Variants in KNCN observed in about 807,000 individuals in gnomAD.
KNCN encodes the protein kinocilin.
Under a neutral mutation model 10.4 loss-of-function variants are expected in KNCN, and 11 were observed. The observed-to-expected ratio is 1.06, with a 90% CI of 0.67 to 1.75. The LOEUF (loss-of-function observed/expected upper bound fraction) is 1.75. Ranked by LOEUF, KNCN falls within the 40% of genes most tolerant of loss-of-function variation. The pLI is 0.00. For synonymous variants in KNCN, 67 were observed against 71.6 expected, an observed-to-expected ratio of 0.94 and a Z score of 0.33; for missense variants, 172 against 167.1, an observed-to-expected ratio of 1.03 and a Z score of -0.16.
chr1:46,547,864 T>G (rs1666981048), intron 3 of KNCN, 55 bp from the exon 4 acceptor site: 9 of 1,344,124 alleles, frequency 6.7e-6, no homozygotes, highest in Non-Finnish European at 7.9e-6. Flanking sequence ...CCCATGGAGT[T>G]GTCAGGGTCA....
At position 46,547,573 on chromosome 1, in the gene KNCN, T is replaced by C. The variant is rs1557804437; in HGVS notation, c.*157A>G. The stretch of plus-strand genomic sequence containing the variant: ...TTTTGGAGAGGCTTGGCCGGGCGAG[T>C]GCAAAAGGCCCCATTCCAGACACTG... On this transcript the variant is annotated 3_prime_UTR_variant, in exon 4 of 4. Transcript: ENST00000481882. The C allele has an allele frequency of 5.5e-6, 4 of 722,842 alleles. No individual in the cohort carries two copies. The highest frequency in any genetic ancestry group is 5.2e-5 in the African/African-American group (3 of 57,432). The allele number at this position is 722,842 out of a possible 1,614,324, so 44.8% of individuals were successfully genotyped here. A position where few individuals can be genotyped will look rare whatever the true frequency, so the allele number is the denominator to read the frequency against.
rs1293586474 is a variant in KNCN, at chr1:46,551,437, G to A, written c.-222C>T. 2 of 497,406 alleles carry A rather than the reference G, an allele frequency of 4.0e-6. No homozygotes were observed. The highest frequency in any genetic ancestry group is 7.0e-6 in the Non-Finnish European group (2 of 287,338). 30.8% of individuals were successfully genotyped at this position (497,406 alleles called of 1,614,324 possible). ...TCCCACCTTGACCAGGGATCTGTAC[G>A]AGGTCACCCAGCTTACTCTTCCTCT... is the stretch of plus-strand genomic sequence containing the variant. On this transcript the variant is annotated 5_prime_UTR_variant, in exon 1 of 4. Coordinates refer to ENST00000481882, the MANE Select transcript of KNCN (RefSeq NM_001322255.2). The surrounding 1 kb of genome is among the most constrained non-coding windows in gnomAD (Gnocchi z 4.0).
chr1:46,545,805 A>G lies in KNCN; in HGVS notation c.*1925T>C, dbSNP rs1666927419. On this transcript the variant is annotated 3_prime_UTR_variant, in exon 4 of 4. Coordinates refer to ENST00000481882, the MANE Select transcript of KNCN (RefSeq NM_001322255.2). ...ACACTCTCCACAGCTCAGTCTCCAC[A>G]TCCCCCATTCCCACCCCCTCCACCC... is the stretch of plus-strand genomic sequence containing the variant. The G allele has an allele frequency of 6.6e-6, 1 of 152,326 alleles. No individual in the cohort carries two copies. Among genetic ancestry groups the G allele is most frequent in the Admixed American group, 6.5e-5 (1 of 15,274 alleles). 9.4% of individuals were successfully genotyped at this position (152,326 alleles called of 1,614,324 possible).
chr1:46,549,962 G>C lies in KNCN; in HGVS notation c.192C>G (p.Phe64Leu). ...TGGTAGGCAGGATGTGGTCCAGGTT[G>C]AACCGAGCCTTCAGGAAGGGGTAGG... The part of the protein sequence containing the change: ...ILAYPFLKAR[F>L]NLDHILPTIG... Residue 64 changes from phenylalanine (F) to leucine (L), a missense_variant, in exon 2 of 4, where the codon TTC becomes TTG. Physicochemically the swap from Phe to Leu is conservative, Grantham distance 22. Transcript: ENST00000481882. 1.3e-6 allele frequency: 2 copies of C among 1,550,658 alleles called. No individual in the cohort carries two copies. Among genetic ancestry groups the C allele is most frequent in the South Asian group, 1.2e-5 (1 of 84,062 alleles).
In KNCN at chr1:46,551,560, T is replaced by G; in HGVS notation, c.-345A>C. On this transcript the variant is annotated 5_prime_UTR_variant, in exon 1 of 4. The change abolishes an upstream ATG in the 5' untranslated region. Coordinates refer to ENST00000481882, the MANE Select transcript of KNCN (RefSeq NM_001322255.2). This position sits in a 1 kb window ranked among gnomAD's most constrained non-coding sequence, Gnocchi z 4.0. ...GTTCTAGGGAGCTGGGCCTGTTCCA[T>G]AGGATCCTTCCCTGCCAGCCTCCAC... 1 of 211,382 alleles carries G rather than the reference T, an allele frequency of 4.7e-6. No homozygotes were observed. The allele number at this position is 211,382 out of a possible 1,614,324, so 13.1% of individuals were successfully genotyped here.
At chr1:46,549,865 GACGAGCAC>G (rs1377850376) in intron 2 of KNCN, 61 bp downstream of exon 2, 36 of 1,549,912 alleles carry the variant, frequency 2.3e-5, no homozygotes, top group Non-Finnish European at 3.1e-5. Context: ...GTGGGTCACA[GACGAGCAC>G]ACAAAGGGTC....
intron 3 of KNCN, among the ~76,000 whole-genome samples, chr1:46,548,130 T>A (rs1666986473): frequency 6.6e-6 from 1 of 152,212 alleles, no homozygotes; most frequent in African/African-American, 2.4e-5. Context: ...TAAATCTCCC[T>A]GTGCCTCGGT....
At chr1:46,549,641 GGGAGTTA>G (rs1667025517) in intron 2 of KNCN, 1 of 565,010 alleles carries the variant, frequency 1.8e-6, no homozygotes. Context: ...GGGATGGAGA[GGGAGTTA>G]TTTAGAGATG....
chr1:46,548,600 G>A (rs1236872105), intron 3 of KNCN, among the ~76,000 whole-genome samples: 1 of 152,184 alleles, frequency 6.6e-6, no homozygotes, highest in African/African-American at 2.4e-5. Flanking sequence ...TATAGGACCT[G>A]GGGGAGGGGA....
At position 46,551,171 on chromosome 1, in the gene KNCN, C is replaced by G. The variant is rs762054415; in HGVS notation, c.45G>C (p.Leu15=). ...ISSRDFRGLQ[L]ACVALGLVAG... ...CCACCAGCCCGAGAGCCACGCAGGCCAGCTGCAGGCCGCGGAAGTCTCTGC... is the reference window on the plus strand; with the variant it reads ...CCACCAGCCCGAGAGCCACGCAGGCGAGCTGCAGGCCGCGGAAGTCTCTGC... Residue 15 remains leucine, a synonymous_variant, in exon 1 of 4, where the codon CTG becomes CTC. Coordinates refer to ENST00000481882, the MANE Select transcript of KNCN (RefSeq NM_001322255.2). This position sits in a 1 kb window ranked among gnomAD's most constrained non-coding sequence, Gnocchi z 4.0. The G allele has an allele frequency of 5.0e-6, 8 of 1,610,614 alleles. No homozygotes were observed. Among genetic ancestry groups the G allele is most frequent in the Non-Finnish European group, 6.8e-6 (8 of 1,178,534 alleles).
chr1:46,551,109 G>C lies in KNCN; in HGVS notation c.107C>G (p.Ala36Gly). The C allele has an allele frequency of 6.2e-7, 1 of 1,610,870 alleles. No individual in the cohort carries two copies. The highest frequency in any genetic ancestry group is 8.5e-7 in the Non-Finnish European group (1 of 1,178,392). Residue 36 changes from alanine (A) to glycine (G), a missense_variant, in exon 1 of 4, where the codon GCT becomes GGT. Physicochemically the swap from Ala to Gly is moderately conservative, Grantham distance 60. Coordinates refer to ENST00000481882, the MANE Select transcript of KNCN (RefSeq NM_001322255.2). The surrounding 1 kb of genome is among the most constrained non-coding windows in gnomAD (Gnocchi z 4.0). ...SIIIGISVSK[A>G]AAAMGGVFIG... ...AAAGACACCGCCCATGGCAGCTGCA[G>C]CCTTGGATACGGAGATGCCGATAAT... is the stretch of plus-strand genomic sequence containing the variant.
rs1159382870 is a variant in KNCN, at chr1:46,547,684, AGGCAGGATGGGAGGGCAGGGCATG to A, written c.*22_*45del. 2 of 1,418,708 alleles carry A rather than the reference AGGCAGGATGGGAGGGCAGGGCATG, an allele frequency of 1.4e-6. No homozygotes were observed. The highest frequency in any genetic ancestry group is 2.8e-5 in the African/African-American group (2 of 70,512). 87.9% of individuals were successfully genotyped at this position (1,418,708 alleles called of 1,614,324 possible). A position where few individuals can be genotyped will look rare whatever the true frequency, so the allele number is the denominator to read the frequency against. ...AGGAGGGCACTGACATAGGGGCAGC[AGGCAGGATGGGAGGGCAGGGCATG>A]GGCAGCCGCTCAGACTTTGCCTCAG... is the stretch of plus-strand genomic sequence containing the variant. On this transcript the variant is annotated 3_prime_UTR_variant, in exon 4 of 4. Transcript: ENST00000481882.
At chr1:46,548,157 T>C (rs2148507854) in intron 3 of KNCN, among the ~76,000 whole-genome samples, 1 of 152,248 alleles carries the variant, frequency 6.6e-6, no homozygotes, top group South Asian at 2.1e-4. Context: ...TTATGTAAAA[T>C]GAAACTAATG....
intron 3 of KNCN, among the ~76,000 whole-genome samples, chr1:46,548,589 G>T (rs1286492667): frequency 6.6e-6 from 1 of 151,698 alleles, no homozygotes; most frequent in Non-Finnish European, 1.5e-5. Context: ...ATAAACTGAG[G>T]TATAGGACCT....
Position 46,551,050 on chromosome 1 carries a change from C to G in KNCN, c.151+15G>C, listed in dbSNP as rs1667055754. ...CAGAATCTCCCTTCCCTATCCCAGC[C>G]CAGCCCCTGCTCACCCAGAACAGCA... On this transcript the variant is annotated intron_variant, in intron 1 of 3. Transcript: ENST00000481882. This position sits in a 1 kb window ranked among gnomAD's most constrained non-coding sequence, Gnocchi z 4.0. The G allele has an allele frequency of 6.4e-7, 1 of 1,573,192 alleles. No individual in the cohort carries two copies. Among genetic ancestry groups the G allele is most frequent in the Non-Finnish European group, 8.6e-7 (1 of 1,158,606 alleles).
chr1:46,547,721 G>C lies in KNCN; in HGVS notation c.*9C>G. On this transcript the variant is annotated 3_prime_UTR_variant, in exon 4 of 4. Transcript: ENST00000481882. ...AGGGCAGGGCATGGGCAGCCGCTCA[G>C]ACTTTGCCTCAGCATTCCTCAGCCC... The C allele has an allele frequency of 6.6e-7, 1 of 1,513,146 alleles. No individual in the cohort carries two copies. The highest frequency in any genetic ancestry group is 8.9e-7 in the Non-Finnish European group (1 of 1,128,318). The allele number at this position is 1,513,146 out of a possible 1,614,324, so 93.7% of individuals were successfully genotyped here. A position where few individuals can be genotyped will look rare whatever the true frequency, so the allele number is the denominator to read the frequency against.
intron 3 of KNCN, among the ~76,000 whole-genome samples, chr1:46,548,313 T>C (rs1355318858): frequency 6.6e-6 from 1 of 152,158 alleles, no homozygotes. Flanking sequence ...GGACCATCTT[T>C]GAGAAACTCC....
At position 46,547,799 on chromosome 1, in the gene KNCN, G is replaced by A. The variant is rs780237187; in HGVS notation, c.306C>T (p.Ser102=). The A allele has an allele frequency of 1.4e-6, 2 of 1,458,240 alleles. No individual in the cohort carries two copies. Among genetic ancestry groups the A allele is most frequent in the Non-Finnish European group, 1.8e-6 (2 of 1,105,072 alleles). 90.3% of individuals were successfully genotyped at this position (1,458,240 alleles called of 1,614,324 possible). ...GGGTCCTGCTCACGGTGGACAGGCTGCTGCGGGCTCCTGGGGGAGAGAACA... is the reference window on the plus strand; with the variant it reads ...GGGTCCTGCTCACGGTGGACAGGCTACTGCGGGCTCCTGGGGGAGAGAACA... ...STNGNKEGAR[S]SLSTVSRTLE... is the part of the protein sequence containing the mutation. The change falls in exon 4 of 4, where the codon AGC becomes AGT. Residue 102 remains serine, a synonymous_variant. Transcript: ENST00000481882.
rs987409459 is a variant in KNCN at position 46,546,620 on chromosome 1, G to A, written c.*1110C>T. ...TGTGAGGCCACACCTGGGCCTCCTTGCTCTACCCACGGTAGATGGGACTTT... is the reference window on the plus strand; with the variant it reads ...TGTGAGGCCACACCTGGGCCTCCTTACTCTACCCACGGTAGATGGGACTTT... On this transcript the variant is annotated 3_prime_UTR_variant, in exon 4 of 4. Coordinates refer to ENST00000481882, the MANE Select transcript of KNCN (RefSeq NM_001322255.2). The A allele has an allele frequency of 6.6e-6, 1 of 152,304 alleles. No homozygotes were observed. The highest frequency in any genetic ancestry group is 1.5e-5 in the Non-Finnish European group (1 of 68,094). 9.4% of individuals were successfully genotyped at this position (152,304 alleles called of 1,614,324 possible).
Sources: gnomAD v4.1 joint callset for allele counts (sites outside exome capture counted in the v4.1 genomes callset) on GRCh38, gnomAD v4.1.1 for gene constraint, Gnocchi (gnomAD v3.1) non-coding constraint, MANE v1.5 for transcripts, NCBI Gene and HGNC (gene_info 2026-07-23, HGNC 2026-07-21) for gene names.